LYN: variants seen among roughly 807,000 people sequenced by gnomAD.
LYN encodes LYN proto-oncogene, Src family tyrosine kinase.
In LYN, 12 loss-of-function variants were observed where a neutral mutation model predicts 65.0. That is an observed-to-expected ratio of 0.18 (90% CI 0.12 to 0.30). The LOEUF (loss-of-function observed/expected upper bound fraction) is 0.30. LYN is among the 10% of genes least tolerant of loss of function. The pLI is 1.00. For missense variants in LYN, 380 were observed against 623.2 expected, an observed-to-expected ratio of 0.61 and a Z score of 4.16; for synonymous variants, 222 against 221.2, an observed-to-expected ratio of 1.00 and a Z score of -0.03.
At chr8:55,955,365 A>G (rs1807077817) in intron 8 of LYN, 1 of 151,894 alleles carries the variant, frequency 6.6e-6, no homozygotes, top group African/African-American at 2.4e-5. Context: ...CTCCGTGTGG[A>G]TCGGCATGTG....
Position 55,896,104 on chromosome 8 carries a change from A to T in LYN, c.-6+16001A>T, listed in dbSNP as rs200044726. Among the ~76,000 whole-genome samples the T allele has an allele frequency of 1.2e-3, 173 of 150,076 alleles. 2 individuals carry two copies. The East Asian group carries it at 0.03, about 26-fold the overall frequency. On this transcript the variant is annotated intron_variant, in intron 1 of 12. Coordinates refer to ENST00000519728, the MANE Select transcript of LYN (RefSeq NM_002350.4). Reference sequence around the variant, plus strand: ...CATCTCGTTAGGGGTAAAGCAATTAAAAAAAAAAAACAAGTTTTAGCTAGA... The same window carrying T: ...CATCTCGTTAGGGGTAAAGCAATTATAAAAAAAAAACAAGTTTTAGCTAGA...
At chr8:55,992,646 G>T (rs1242180611) in intron 10 of LYN, among the ~76,000 whole-genome samples, 2 of 152,178 alleles carry the variant, frequency 1.3e-5, no homozygotes, top group African/African-American at 4.8e-5. Flanking sequence ...TTGAGACTAA[G>T]ATTTTGTTGC....
chr8:55,936,408 C>T (rs1028206454), intron 1 of LYN, among the ~76,000 whole-genome samples: 15 of 151,880 alleles, frequency 9.9e-5, no homozygotes, highest in Non-Finnish European at 2.1e-4. Context: ...GGGAGGCTCA[C>T]GTGGGAGGAT....
In LYN at chr8:55,901,752, G is replaced by A. The variant is rs140557050; in HGVS notation, c.-6+21649G>A. Among the ~76,000 whole-genome samples the A allele has an allele frequency of 5.3e-5, 8 of 152,334 alleles. No individual in the cohort carries two copies. In the East Asian group the frequency reaches 1.3e-3, roughly 26 times the overall value. ...ACTGACCACTTCAGATATTTCCAAC[G>A]CGGAGCTGGATGTGGCTAGGAACCG... is the stretch of plus-strand genomic sequence containing the variant. On this transcript the variant is annotated intron_variant, in intron 1 of 12. Transcript: ENST00000519728.
At chr8:55,908,582 T>C (rs1232387346) in intron 1 of LYN, among the ~76,000 whole-genome samples, 1 of 152,078 alleles carries the variant, frequency 6.6e-6, no homozygotes, top group African/African-American at 2.4e-5. Flanking sequence ...CCTTTTTAGA[T>C]ATAATTTTCT....
intron 1 of LYN, among the ~76,000 whole-genome samples, chr8:55,899,279 T>A (rs1269061243): frequency 6.6e-6 from 1 of 152,204 alleles, no homozygotes; most frequent in Non-Finnish European, 1.5e-5. Flanking sequence ...AAACAGATGC[T>A]TGGGGATAAT....
At chr8:55,923,085 G>A (rs1292872458) in intron 1 of LYN, among the ~76,000 whole-genome samples, 2 of 152,156 alleles carry the variant, frequency 1.3e-5, no homozygotes, top group African/African-American at 2.4e-5. Context: ...GTGACAGGAT[G>A]ACTGAGGGTT....
chr8:55,977,547 T>C (rs911621753), intron 10 of LYN, among the ~76,000 whole-genome samples: 3 of 152,176 alleles, frequency 2.0e-5, no homozygotes, highest in Non-Finnish European at 4.4e-5. Context: ...TTGCTGTTTT[T>C]GTTTTGTTTT....
chr8:56,008,661 C>G (rs190003090), intron 12 of LYN, among the ~76,000 whole-genome samples: 20 of 152,244 alleles, frequency 1.3e-4, no homozygotes, highest in African/African-American at 4.6e-4. Flanking sequence ...TCTGAATTAC[C>G]CTGAGACATT....
chr8:55,958,059 G>A (rs1210188949), intron 8 of LYN, among the ~76,000 whole-genome samples: 1 of 152,160 alleles, frequency 6.6e-6, no homozygotes, highest in African/African-American at 2.4e-5. Flanking sequence ...GGCGAGGTTG[G>A]GAGCAGGAAG....
At chr8:55,956,417 G>A (rs1467651537) in intron 8 of LYN, among the ~76,000 whole-genome samples, 4 of 151,980 alleles carry the variant, frequency 2.6e-5, no homozygotes, top group Non-Finnish European at 4.4e-5. Flanking sequence ...AGTATTAGCC[G>A]GTCCTATTCT....
At chr8:55,889,442 A>T (rs1234710453) in intron 1 of LYN, among the ~76,000 whole-genome samples, 2 of 152,128 alleles carry the variant, frequency 1.3e-5, no homozygotes, top group African/African-American at 4.8e-5. Context: ...AGCTCAAGGG[A>T]TCCACCTGCC....
intron 1 of LYN, among the ~76,000 whole-genome samples, chr8:55,914,288 G>A (rs1805725809): frequency 1.3e-5 from 2 of 151,978 alleles, no homozygotes; most frequent in Admixed American, 1.3e-4. Flanking sequence ...AAGGGGAAGG[G>A]GGACACTGTA....
intron 1 of LYN, chr8:55,940,427 G>A (rs1296482658): frequency 6.6e-6 from 1 of 152,232 alleles, no homozygotes; most frequent in Non-Finnish European, 1.5e-5. Flanking sequence ...CCAGGCTGGA[G>A]TGCAGTGGCG....
intron 1 of LYN, among the ~76,000 whole-genome samples, chr8:55,931,092 TAA>T (rs998549114): frequency 7.4e-5 from 11 of 148,236 alleles, no homozygotes; most frequent in South Asian, 2.1e-4. Context: ...TATATATATA[TAA>T]GTTATATATA....
intron 1 of LYN, among the ~76,000 whole-genome samples, chr8:55,939,876 TA>T (rs1806555896): frequency 6.6e-6 from 1 of 152,332 alleles, no homozygotes; most frequent in South Asian, 2.1e-4. Flanking sequence ...TTTAGCGTAT[TA>T]AAAAATGTGC....
chr8:55,922,124 C>T (rs1007046487), intron 1 of LYN, among the ~76,000 whole-genome samples: 5 of 152,162 alleles, frequency 3.3e-5, no homozygotes, highest in African/African-American at 9.7e-5. Context: ...GAGTCTCACT[C>T]TCACTCAGTC....
At chr8:55,980,652 C>T (rs1380766154) in intron 10 of LYN, 1 of 152,234 alleles carries the variant, frequency 6.6e-6, no homozygotes, top group African/African-American at 2.4e-5. Context: ...CCCATGTCTT[C>T]CCAGGCAGCC....
At chr8:55,920,976 C>A (rs1466741913) in intron 1 of LYN, among the ~76,000 whole-genome samples, 3 of 152,130 alleles carry the variant, frequency 2.0e-5, no homozygotes, top group Admixed American at 2.0e-4. Context: ...GGATTACAGG[C>A]GTGAACCACC....
Sources: gnomAD v4.1 joint callset for allele counts (sites outside exome capture counted in the v4.1 genomes callset) on GRCh38, gnomAD v4.1.1 for gene constraint, MANE v1.5 for transcripts, NCBI Gene and HGNC (gene_info 2026-07-23, HGNC 2026-07-21) for gene names.